Variants in EBNA1BP2 observed in about 807,000 individuals in gnomAD.
The protein encoded by EBNA1BP2 is probable rRNA-processing protein EBP2.
A neutral mutation model predicts 43.5 loss-of-function variants in EBNA1BP2; 36 were observed. The ratio of observed to expected loss-of-function variants is 0.83; its 90% CI spans 0.63 to 1.09. The LOEUF (loss-of-function observed/expected upper bound fraction) is 1.09, where lower values mean the gene tolerates loss of function less well. EBNA1BP2 is among the 50% of genes least tolerant of loss of function. EBNA1BP2 has a pLI of 0.00. For missense variants in EBNA1BP2, 332 were observed against 379.1 expected, an observed-to-expected ratio of 0.88 and a Z score of 1.03; for synonymous variants, 127 against 141.3, an observed-to-expected ratio of 0.90 and a Z score of 0.72.
At chr1:43,169,106 C>CAG (rs1205768231) in intron 4 of EBNA1BP2, 78 bp from the exon 5 acceptor site, 1 of 1,398,008 alleles carries the variant, frequency 7.2e-7, no homozygotes, top group Non-Finnish European at 1.0e-6. Flanking sequence ...GAGCAGGGAA[C>CAG]AGATATTCCC....
rs774002054 is a variant in EBNA1BP2 at position 43,171,478 on chromosome 1, C to A, written c.323+1G>T. 2 of 1,605,760 alleles carry A rather than the reference C, an allele frequency of 1.2e-6. No homozygotes were observed. The highest frequency in any genetic ancestry group is 3.5e-5 in the Admixed American group (2 of 57,892). On this transcript the variant is annotated splice_donor_variant, in intron 3 of 8. Coordinates refer to ENST00000236051, the MANE Select transcript of EBNA1BP2 (RefSeq NM_006824.3). LOFTEE classifies it high-confidence loss of function. ...TCTCCAACATTTGAAAACAAACATA[C>A]AAACTCATCTCTCGCTGGAAGTCGT...
At chr1:43,167,052 C>A in intron 6 of EBNA1BP2, 108 bp downstream of exon 6, 1 of 1,499,118 alleles carries the variant, frequency 6.7e-7, no homozygotes, top group Non-Finnish European at 9.3e-7. Context: ...ATTCCCAAAA[C>A]TTTGATCCGA....
intron 4 of EBNA1BP2, among the ~76,000 whole-genome samples, chr1:43,169,947 T>G (rs1376401404): frequency 7.3e-6 from 1 of 137,028 alleles, no homozygotes; most frequent in African/African-American, 2.6e-5. Flanking sequence ...TATGAGAATC[T>G]AATGCCTGAT....
At chr1:43,172,522 A>G, upstream of EBNA1BP2, 1 of 1,384,840 alleles carries the variant, frequency 7.2e-7, no homozygotes, top group Non-Finnish European at 9.5e-7. Flanking sequence ...AAAAGGCAGA[A>G]AAAGGAGCCG....
Position 43,168,948 on chromosome 1 carries a change from G to A in EBNA1BP2, c.528C>T (p.Tyr176=), listed in dbSNP as rs142130646. 541 of 1,613,914 alleles carry A rather than the reference G, an allele frequency of 3.4e-4. 1 individual carries two copies. The highest frequency in any genetic ancestry group is 2.1e-3 in the Middle Eastern group (13 of 6,060). The change falls in exon 5 of 9, where the codon TAC becomes TAT. Residue 176 remains tyrosine (Y), a synonymous_variant. Transcript: ENST00000236051. The part of the protein sequence containing the change: ...KAKQLRALRK[Y]GKKVQTEVLQ... Reference sequence around the variant, plus strand: ...ACACTTTTCTTCTCACCTTCTTCCCGTATTTCCTAAGTGCTCGCAGTTGCT... The same window carrying A: ...ACACTTTTCTTCTCACCTTCTTCCCATATTTCCTAAGTGCTCGCAGTTGCT...
chr1:43,169,681 C>T (rs1179813103), intron 4 of EBNA1BP2, among the ~76,000 whole-genome samples: 1 of 152,196 alleles, frequency 6.6e-6, no homozygotes, highest in Non-Finnish European at 1.5e-5. Flanking sequence ...ATATAACCTA[C>T]ACTCGCCTCC....
At position 43,166,938 on chromosome 1, in the gene EBNA1BP2, T is replaced by G; in HGVS notation, c.614-19A>C. 1 of 1,608,998 alleles carries G rather than the reference T, an allele frequency of 6.2e-7. No individual in the cohort carries two copies. Among genetic ancestry groups the G allele is most frequent in the Non-Finnish European group, 8.5e-7 (1 of 1,177,400 alleles). On this transcript the variant is annotated intron_variant, in intron 6 of 8. Transcript: ENST00000236051. ...GAGAAGCCTGTAAGTGAAGAAGTAG[T>G]TTTGATCAGCACCATTGTATTTTAA...
chr1:43,170,902 T>C (rs958609319), intron 3 of EBNA1BP2, 23 bp from the exon 4 acceptor site: 10 of 1,547,698 alleles, frequency 6.5e-6, no homozygotes, highest in Non-Finnish European at 8.7e-6. Context: ...GGACAAAATG[T>C]GTAATGAGGT....
At chr1:43,168,831 A>G (rs1644934854) in intron 5 of EBNA1BP2, 108 bp downstream of exon 5, 5 of 1,107,692 alleles carry the variant, frequency 4.5e-6, no homozygotes, top group Admixed American at 1.7e-5. Flanking sequence ...CGGTAAATAC[A>G]TGATCAACAC....
At chr1:43,167,043 T>A in intron 6 of EBNA1BP2, 117 bp downstream of exon 6, 3 of 1,477,288 alleles carry the variant, frequency 2.0e-6, no homozygotes, top group Non-Finnish European at 1.9e-6. Flanking sequence ...TCCAACACCA[T>A]TCCCAAAACT....
intron 4 of EBNA1BP2, among the ~76,000 whole-genome samples, chr1:43,170,458 C>T (rs1272087257): frequency 6.6e-6 from 1 of 152,258 alleles, no homozygotes; most frequent in Non-Finnish European, 1.5e-5. Context: ...CCTCTCTGCA[C>T]ACCATGTCAT....
At position 43,171,518 on chromosome 1, in the gene EBNA1BP2, G is replaced by T. The variant is rs2124174736; in HGVS notation, c.284C>A (p.Ala95Asp). 6.2e-7 allele frequency: 1 copy of T among 1,611,820 alleles called. No individual in the cohort carries two copies. The change falls in exon 3 of 9, where the codon GCT (alanine) becomes GAT (aspartate). Residue 95 changes from alanine (A) to aspartate (D), a missense_variant. Around this residue, in one of 3 missense-constraint regions of EBNA1BP2, gnomAD observed 182 missense variants for 173.7 expected, o/e 1.05. Transcript: ENST00000236051. ...CTGGAAGTCGTCTTCTGGATCAACA[G>T]CTTTCTGGTCCTTGTTCTGAGGTGC... ...APAPQNKDQK[A>D]VDPEDDFQRE...
At chr1:43,170,682 C>G (rs1484737697) in intron 4 of EBNA1BP2, 74 bp downstream of exon 4, 2 of 1,544,182 alleles carry the variant, frequency 1.3e-6, no homozygotes, top group East Asian at 5.1e-5. Context: ...GGGCTCATAG[C>G]TATCTTTCTA....
Position 43,164,462 on chromosome 1 carries a change from A to G in EBNA1BP2, c.902T>C (p.Met301Thr), listed in dbSNP as rs1553167426. The G allele has an allele frequency of 5.0e-6, 8 of 1,614,084 alleles. No individual in the cohort carries two copies. The highest frequency in any genetic ancestry group is 3.3e-4 in the Middle Eastern group (2 of 6,062). The change falls in exon 9 of 9, where the codon ATG becomes ACG. Residue 301 changes from methionine to threonine, a missense_variant. Around this residue, in one of 3 missense-constraint regions of EBNA1BP2, gnomAD observed 59 missense variants for 53.3 expected, o/e 1.11. Coordinates refer to ENST00000236051, the MANE Select transcript of EBNA1BP2 (RefSeq NM_006824.3). ...KRPGKRTREK[M>T]KNRTH The stretch of plus-strand genomic sequence containing the variant: ...TGCTATTTAGTGTGTTCTGTTCTTC[A>G]TCTTCTCTCTTGTTCGTTTTCCAGG...
intron 4 of EBNA1BP2, 31 bp downstream of exon 4, chr1:43,170,725 G>A (rs775347640): frequency 4.6e-5 from 74 of 1,595,608 alleles, no homozygotes; most frequent in Admixed American, 2.1e-4. Context: ...ACAAAGTTTT[G>A]ACTTTCCAGA....
chr1:43,164,485 A>C lies in EBNA1BP2; in HGVS notation c.879T>G (p.Pro293=), dbSNP rs11559311. 81,202 of 1,613,956 alleles carry C rather than the reference A, an allele frequency of 0.05. 3,499 individuals carry two copies. Among genetic ancestry groups the C allele is most frequent in the African/African-American group, 0.23 (16,912 of 74,964 alleles). Residue 293 remains proline, a synonymous_variant, in exon 9 of 9, where the codon CCT becomes CCG. Transcript: ENST00000236051. ...TCATCTTCTCTCTTGTTCGTTTTCC[A>C]GGTCTCTTCTACAGAAAAAGACATA... is the stretch of plus-strand genomic sequence containing the variant. ...RPGKKGSNKR[P]GKRTREKMKN...
chr1:43,170,066 C>T (rs1366078324), intron 4 of EBNA1BP2, among the ~76,000 whole-genome samples: 1 of 152,234 alleles, frequency 6.6e-6, no homozygotes, highest in Non-Finnish European at 1.5e-5. Flanking sequence ...TTTAAATAGT[C>T]TCTAGATTAC....
Position 43,170,892 on chromosome 1 carries a change from G to A in EBNA1BP2, c.324-13C>T. On this transcript the variant is annotated splice_polypyrimidine_tract_variant and intron_variant, in intron 3 of 8. Coordinates refer to ENST00000236051, the MANE Select transcript of EBNA1BP2 (RefSeq NM_006824.3). Reference sequence around the variant, plus strand: ...GGCTTGGCGATAGCTGAGAATCGTAGGACAAAATGTGTAATGAGGTGAAGG... The same window carrying A: ...GGCTTGGCGATAGCTGAGAATCGTAAGACAAAATGTGTAATGAGGTGAAGG... The A allele has an allele frequency of 6.4e-7, 1 of 1,558,402 alleles. No homozygotes were observed. The highest frequency in any genetic ancestry group is 8.6e-7 in the Non-Finnish European group (1 of 1,159,072).
rs1235143483 is a variant in EBNA1BP2, at chr1:43,171,384, A to C, written c.323+95T>G. ...AAAAGAAGCCGCTCTCTCTACTCCT[A>C]GGCTTATTCTGAGTGCAGACTTACT... On this transcript the variant is annotated intron_variant, in intron 3 of 8. Transcript: ENST00000236051. The C allele has an allele frequency of 2.7e-6, 4 of 1,459,758 alleles. No individual in the cohort carries two copies. The Admixed American group carries it at 7.1e-5, about 26-fold the overall frequency. 90.4% of individuals were successfully genotyped at this position (1,459,758 alleles called of 1,614,324 possible). A position where few individuals can be genotyped will look rare whatever the true frequency, so the allele number is the denominator to read the frequency against.
Sources: gnomAD v4.1 joint callset for allele counts (sites outside exome capture counted in the v4.1 genomes callset) on GRCh38, gnomAD v4.1.1 for gene constraint, gnomAD v4.1.1 regional missense constraint, MANE v1.5 for transcripts, NCBI Gene and HGNC (gene_info 2026-07-23, HGNC 2026-07-21) for gene names.